JAM2: variants seen among roughly 807,000 people sequenced by gnomAD.
JAM2 encodes the protein junctional adhesion molecule 2.
In JAM2, 17 loss-of-function variants were observed where a neutral mutation model predicts 42.0. That is an observed-to-expected ratio of 0.40 (90% confidence interval 0.28 to 0.61). The LOEUF is 0.61. JAM2 is among the 20% of genes least tolerant of loss of function. The pLI is 0.37. For synonymous variants in JAM2, 118 were observed against 128.6 expected, an observed-to-expected ratio of 0.92 and a Z score of 0.56; for missense variants, 319 against 358.3, an observed-to-expected ratio of 0.89 and a Z score of 0.89.
intron 9 of JAM2, among the ~76,000 whole-genome samples, chr21:25,713,845 C>T (rs2034429921): frequency 6.6e-6 from 1 of 152,170 alleles, no homozygotes; most frequent in African/African-American, 2.4e-5. Context: ...CAGTATGAAG[C>T]ACATTGTGGC....
intron 3 of JAM2, among the ~76,000 whole-genome samples, chr21:25,690,680 A>T (rs1032126978): frequency 6.6e-6 from 1 of 152,080 alleles, no homozygotes. Flanking sequence ...GAATTAAAAA[A>T]TGGTGTGGTT....
rs542273325 is a variant in JAM2, at chr21:25,691,858, C to T, written c.241+1885C>T. On this transcript the variant is annotated intron_variant, in intron 3 of 9. Transcript: ENST00000480456. ...CAGCCTGGCCAACATGGTGAAATCC[C>T]GTCTCTACTAAAAATACGAAAATTA... Among the ~76,000 whole-genome samples the T allele has an allele frequency of 8.2e-4, 124 of 152,106 alleles. 1 individual carries two copies. The highest frequency in any genetic ancestry group is 2.8e-3 in the African/African-American group (116 of 41,506).
At chr21:25,671,705 C>A (rs1450954788) in intron 1 of JAM2, among the ~76,000 whole-genome samples, 1 of 152,156 alleles carries the variant, frequency 6.6e-6, no homozygotes, top group African/African-American at 2.4e-5. Context: ...GATGGGGTTT[C>A]ACCATGTTGG....
At chr21:25,701,622 A>G (rs904109220) in intron 5 of JAM2, among the ~76,000 whole-genome samples, 1 of 152,226 alleles carries the variant, frequency 6.6e-6, no homozygotes, top group South Asian at 2.1e-4. Context: ...TTCAAATTTA[A>G]AAAAATTCTA....
At chr21:25,694,178 A>C (rs1419192586) in intron 4 of JAM2, among the ~76,000 whole-genome samples, 1 of 152,238 alleles carries the variant, frequency 6.6e-6, no homozygotes, top group Non-Finnish European at 1.5e-5. Flanking sequence ...TACAATATAC[A>C]TAGGAGTATC....
chr21:25,663,074 T>G (rs1413022932), intron 1 of JAM2, among the ~76,000 whole-genome samples: 1 of 152,188 alleles, frequency 6.6e-6, no homozygotes, highest in East Asian at 1.9e-4. Flanking sequence ...ACATAGAAGT[T>G]CATCATTCGG....
intron 1 of JAM2, among the ~76,000 whole-genome samples, chr21:25,653,130 G>C (rs887620869): frequency 1.3e-5 from 2 of 152,162 alleles, no homozygotes; most frequent in African/African-American, 4.8e-5. Context: ...CACATCACGT[G>C]GCCAAACGTG....
At chr21:25,666,315 T>TTTATTATTATTATTA (rs35684752) in intron 1 of JAM2, among the ~76,000 whole-genome samples, 27,489 of 146,326 alleles carry the variant, frequency 0.19, 2,972 homozygotes, top group African/African-American at 0.27. Context: ...TGTTACGGCT[T>TTTATTATTATTATTA]TTATTATTAT....
intron 1 of JAM2, among the ~76,000 whole-genome samples, chr21:25,673,904 T>A (rs1002685770): frequency 6.6e-6 from 1 of 152,178 alleles, no homozygotes; most frequent in African/African-American, 2.4e-5. Context: ...GAGGGCAGTT[T>A]CCCCCATACT....
chr21:25,649,629 A>G (rs566586954), intron 1 of JAM2, among the ~76,000 whole-genome samples: 1 of 152,078 alleles, frequency 6.6e-6, no homozygotes, highest in African/African-American at 2.4e-5. Context: ...GGAGCAGGGA[A>G]TCTCCAGACT....
chr21:25,665,822 C>T (rs2033204059), intron 1 of JAM2, among the ~76,000 whole-genome samples: 1 of 152,032 alleles, frequency 6.6e-6, no homozygotes, highest in African/African-American at 2.4e-5. Flanking sequence ...GGGTGGATTA[C>T]TTGAGGTCAG....
At chr21:25,663,334 G>A (rs926485775) in intron 1 of JAM2, among the ~76,000 whole-genome samples, 7 of 152,336 alleles carry the variant, frequency 4.6e-5, no homozygotes, top group East Asian at 1.9e-4. Flanking sequence ...TCTAACCCAT[G>A]TAAGAGTAAG....
chr21:25,697,250 ATCCTATCT>A (rs138424655), intron 4 of JAM2, among the ~76,000 whole-genome samples: 3,145 of 152,246 alleles, frequency 0.021, 106 homozygotes, highest in African/African-American at 0.072. Flanking sequence ...TCATGAAATC[ATCCTATCT>A]TAGAGACAAT....
intron 5 of JAM2, among the ~76,000 whole-genome samples, chr21:25,699,892 A>T (rs2034130484): frequency 6.6e-6 from 1 of 152,086 alleles, no homozygotes; most frequent in South Asian, 2.1e-4. Context: ...ACATCAGGAA[A>T]ATGCATGAAA....
intron 1 of JAM2, among the ~76,000 whole-genome samples, chr21:25,651,711 C>T (rs890664815): frequency 3.5e-4 from 54 of 152,254 alleles, no homozygotes; most frequent in Admixed American, 1.7e-3. Context: ...TATTTCACAA[C>T]TATTATAAAA....
At chr21:25,693,971 G>A in intron 4 of JAM2, 63 bp downstream of exon 4, 9 of 1,525,732 alleles carry the variant, frequency 5.9e-6, no homozygotes, top group Non-Finnish European at 8.1e-6. Context: ...AGCCCTGGGG[G>A]CAAGCAAGCA....
At chr21:25,713,687 T>C (rs1001940649) in intron 9 of JAM2, among the ~76,000 whole-genome samples, 3 of 152,236 alleles carry the variant, frequency 2.0e-5, no homozygotes, top group Non-Finnish European at 4.4e-5. Flanking sequence ...TGTGGTTTAC[T>C]ACACTGAAAG....
At chr21:25,650,892 G>A (rs2032756311) in intron 1 of JAM2, among the ~76,000 whole-genome samples, 1 of 151,946 alleles carries the variant, frequency 6.6e-6, no homozygotes, top group African/African-American at 2.4e-5. Flanking sequence ...GTGTAAAATG[G>A]TAGCATTTGA....
At chr21:25,644,413 C>T (rs1041937309) in intron 1 of JAM2, among the ~76,000 whole-genome samples, 9 of 152,142 alleles carry the variant, frequency 5.9e-5, no homozygotes, top group Non-Finnish European at 1.2e-4. Flanking sequence ...ATGGCTTTTC[C>T]AGCTTCTGGA....
Sources: allele counts gnomAD v4.1 joint callset (sites outside exome capture counted in the v4.1 genomes callset), GRCh38; gene constraint gnomAD v4.1.1; transcripts MANE v1.5; gene names NCBI Gene and HGNC (gene_info 2026-07-23, HGNC 2026-07-21).